The following ASRGL1 variants were observed in gnomAD, a reference collection of about 807,000 sequenced individuals.
ASRGL1 encodes asparaginase and isoaspartyl peptidase 1, also known as isoaspartyl peptidase/L-asparaginase.
A neutral mutation model predicts 22.4 loss-of-function variants in ASRGL1; 16 were observed. The observed-to-expected ratio is 0.71, with a 90% CI of 0.48 to 1.08. The LOEUF (loss-of-function observed/expected upper bound fraction) is 1.08, where lower values mean the gene tolerates loss of function less well. Ranked by LOEUF, ASRGL1 falls within the 50% of genes least tolerant of loss-of-function variation. The pLI, the probability that ASRGL1 is intolerant of heterozygous loss-of-function variation, is 0.00. For missense variants in ASRGL1, 412 were observed against 410.1 expected, an observed-to-expected ratio of 1.00 and a Z score of -0.04; for synonymous variants, 165 against 159.3, an observed-to-expected ratio of 1.04 and a Z score of -0.27.
intron 4 of ASRGL1, among the ~76,000 whole-genome samples, chr11:62,386,538 A>G (rs1947216134): frequency 1.3e-5 from 1 of 74,402 alleles, no homozygotes; most frequent in Non-Finnish European, 4.1e-5. Flanking sequence ...TATAGAGGTC[A>G]GCGCTAGCTG....
At position 62,393,306 on chromosome 11, in the gene ASRGL1, T is replaced by C. The variant is rs968692450; in HGVS notation, c.*1022T>C. The C allele has an allele frequency of 2.6e-5, 4 of 152,262 alleles. No homozygotes were observed. The highest frequency in any genetic ancestry group is 7.2e-5 in the African/African-American group (3 of 41,460). The allele number at this position is 152,262 out of a possible 1,614,324, so 9.4% of individuals were successfully genotyped here. A position where few individuals can be genotyped will look rare whatever the true frequency, so the allele number is the denominator to read the frequency against. ...TACACTGGAAATGTTATTTCTGCTG[T>C]ATCATCCGTGCTCAACGTTTTAGTC... On this transcript the variant is annotated 3_prime_UTR_variant, in exon 7 of 7. Coordinates refer to ENST00000415229, the MANE Select transcript of ASRGL1 (RefSeq NM_001083926.2).
chr11:62,362,357 C>A (rs967547289), intron 4 of ASRGL1, among the ~76,000 whole-genome samples: 1 of 147,678 alleles, frequency 6.8e-6, no homozygotes, highest in African/African-American at 2.5e-5. Context: ...CTTCAAAGAG[C>A]AAATCATGGA....
At chr11:62,395,401 GT>G (rs1947420438), downstream of ASRGL1, among the ~76,000 whole-genome samples, 4 of 152,160 alleles carry the variant, frequency 2.6e-5, no homozygotes, top group African/African-American at 9.7e-5. Flanking sequence ...CCAAGGCCAA[GT>G]GTCCCCAAGC....
intron 4 of ASRGL1, among the ~76,000 whole-genome samples, chr11:62,377,503 A>T (rs1261497564): frequency 6.6e-6 from 1 of 152,190 alleles, no homozygotes; most frequent in African/African-American, 2.4e-5. Flanking sequence ...TTTTGGCCCT[A>T]TGTAAGCTGC....
chr11:62,362,583 A>T (rs867535684), intron 4 of ASRGL1, among the ~76,000 whole-genome samples: 1,859 of 34,926 alleles, frequency 0.053, 70 homozygotes, highest in Non-Finnish European at 0.076. Context: ...ATATTATATA[A>T]AATATATAAT....
chr11:62,365,569 G>T (rs1470490243), intron 4 of ASRGL1, among the ~76,000 whole-genome samples: 1 of 152,016 alleles, frequency 6.6e-6, no homozygotes, highest in African/African-American at 2.4e-5. Flanking sequence ...CAAAAAAAAG[G>T]CTGGGTGCGG....
At chr11:62,362,622 T>A (rs1433469036) in intron 4 of ASRGL1, among the ~76,000 whole-genome samples, 1 of 75,966 alleles carries the variant, frequency 1.3e-5, no homozygotes, top group Non-Finnish European at 2.3e-5. Context: ...ATATTATATA[T>A]TATATAAAAT....
At chr11:62,396,932 CTG>C (rs1347389167), downstream of ASRGL1, among the ~76,000 whole-genome samples, 1 of 152,206 alleles carries the variant, frequency 6.6e-6, no homozygotes, top group Non-Finnish European at 1.5e-5. Context: ...TGTCCTATCT[CTG>C]TAATACTGAG....
the ASRGL1 span, among the ~76,000 whole-genome samples, chr11:62,399,729 C>T: frequency 6.6e-6 from 1 of 152,196 alleles, no homozygotes; most frequent in Non-Finnish European, 1.5e-5. Context: ...GGTCAGCTCC[C>T]AGGATGGGGT....
chr11:62,384,378 G>A (rs753351305), intron 4 of ASRGL1, among the ~76,000 whole-genome samples: 4 of 151,928 alleles, frequency 2.6e-5, no homozygotes, highest in Non-Finnish European at 5.9e-5. Context: ...GGTGGTACAC[G>A]CCTGTAATCT....
intron 4 of ASRGL1, chr11:62,382,748 G>A (rs1005258598): frequency 3.3e-5 from 5 of 152,274 alleles, no homozygotes; most frequent in Admixed American, 1.3e-4. Flanking sequence ...TATCACATGG[G>A]GAGAAACCTT....
chr11:62,371,539 A>C, intron 4 of ASRGL1: 2 of 705,192 alleles, frequency 2.8e-6, no homozygotes, highest in East Asian at 5.7e-5. Flanking sequence ...ACCATTCTCT[A>C]ATCTCAAGTA....
At chr11:62,394,334 T>A (rs1350260977), downstream of ASRGL1, among the ~76,000 whole-genome samples, 3 of 144,376 alleles carry the variant, frequency 2.1e-5, no homozygotes, top group Non-Finnish European at 4.5e-5. Flanking sequence ...AATTTATAAT[T>A]TATAATATAT....
chr11:62,390,638 A>C (rs1262850297), intron 5 of ASRGL1, among the ~76,000 whole-genome samples: 1 of 152,156 alleles, frequency 6.6e-6, no homozygotes, highest in Non-Finnish European at 1.5e-5. Context: ...GAAAAAGTAA[A>C]GGCGCCTCCT....
rs537701229 is a variant in ASRGL1, at chr11:62,346,994, G to A, written c.190+8827G>A. On this transcript the variant is annotated intron_variant, in intron 2 of 6. Coordinates refer to ENST00000415229, the MANE Select transcript of ASRGL1 (RefSeq NM_001083926.2). The stretch of plus-strand genomic sequence containing the variant: ...AAAAAAAAAAAAAAAGAAAAATAAC[G>A]TCTGACAAGGTTAGCGATTATGCAT... Among the ~76,000 whole-genome samples, 13 of 151,592 alleles carry A rather than the reference G, an allele frequency of 8.6e-5. 1 individual carries two copies. The East Asian group carries it at 1.4e-3, about 16-fold the overall frequency.
chr11:62,362,677 T>TTA (rs1946496839), intron 4 of ASRGL1, among the ~76,000 whole-genome samples: 1 of 89,902 alleles, frequency 1.1e-5, no homozygotes, highest in African/African-American at 4.7e-5. Context: ...ATAATATATA[T>TTA]TATATAAAAT....
At chr11:62,367,346 A>G (rs1189176672) in intron 4 of ASRGL1, among the ~76,000 whole-genome samples, 5 of 150,328 alleles carry the variant, frequency 3.3e-5, no homozygotes, top group East Asian at 4.0e-4. Context: ...TCAAAAAAAA[A>G]AAAGAGAGAG....
At chr11:62,389,955 T>C (rs1397572547) in intron 5 of ASRGL1, 3 of 153,310 alleles carry the variant, frequency 2.0e-5, no homozygotes, top group Non-Finnish European at 4.4e-5. Context: ...TGTGTTGCTC[T>C]AGTCTTTAGT....
At position 62,357,085 on chromosome 11, in the gene ASRGL1, C is replaced by CAA; in HGVS notation, c.436_437dup (p.Arg147SerfsTer35). 1 of 1,613,966 alleles carries CAA rather than the reference C, an allele frequency of 6.2e-7. No homozygotes were observed. Among genetic ancestry groups the CAA allele is most frequent in the Middle Eastern group, 1.6e-4 (1 of 6,062 alleles). On this transcript the variant is annotated frameshift_variant, in exon 4 of 7. Coordinates refer to ENST00000415229, the MANE Select transcript of ASRGL1 (RefSeq NM_001083926.2). LOFTEE classifies it high-confidence loss of function. ...GAGAAAAACTGGTGACAGAGAGAAA[C>CAA]AAAAAGCGCCTGGAAAAAGAGAAGC...
Sources: gnomAD v4.1 joint callset for allele counts (sites outside exome capture counted in the v4.1 genomes callset) on GRCh38, gnomAD v4.1.1 for gene constraint, MANE v1.5 for transcripts, NCBI Gene and HGNC (gene_info 2026-07-23, HGNC 2026-07-21) for gene names.